Variants in FGF12 observed in about 807,000 individuals in gnomAD.
FGF12 encodes the protein fibroblast growth factor 12.
A neutral mutation model predicts 23.6 loss-of-function variants in FGF12; 14 were observed. The observed-to-expected ratio is 0.59, with a 90% CI of 0.39 to 0.93. FGF12 has a LOEUF of 0.93. Ranked by LOEUF, FGF12 falls within the 40% of genes least tolerant of loss-of-function variation. The pLI, the probability that FGF12 is intolerant of heterozygous loss-of-function variation, is 0.00. For missense variants in FGF12, 175 were observed against 217.8 expected, an observed-to-expected ratio of 0.80 and a Z score of 1.24; for synonymous variants, 62 against 77.3, an observed-to-expected ratio of 0.80 and a Z score of 1.04.
intron 2 of FGF12, among the ~76,000 whole-genome samples, chr3:192,594,681 A>T (rs887692768): frequency 6.6e-6 from 1 of 151,858 alleles, no homozygotes; most frequent in Middle Eastern, 3.2e-3. Context: ...TTTTATAAGA[A>T]GAGCAAGAGA....
intron 2 of FGF12, among the ~76,000 whole-genome samples, chr3:192,664,419 A>G (rs1437087942): frequency 6.6e-6 from 1 of 151,946 alleles, no homozygotes; most frequent in Non-Finnish European, 1.5e-5. Flanking sequence ...AACTACCACC[A>G]GCATTACTTC....
chr3:192,726,864 G>C, intron 2 of FGF12: 1 of 422,922 alleles, frequency 2.4e-6, no homozygotes, highest in Non-Finnish European at 4.3e-6. Flanking sequence ...CCATTATACA[G>C]AAAAGATATT....
chr3:192,650,361 C>T (rs1716172099), intron 2 of FGF12, among the ~76,000 whole-genome samples: 1 of 152,196 alleles, frequency 6.6e-6, no homozygotes, highest in Non-Finnish European at 1.5e-5. Context: ...TGTTTCACAT[C>T]TCCATGCCTT....
At chr3:192,319,244 G>A (rs150001563) in intron 4 of FGF12, among the ~76,000 whole-genome samples, 5 of 152,272 alleles carry the variant, frequency 3.3e-5, no homozygotes, top group Admixed American at 3.3e-4. Context: ...TACTGTAATT[G>A]TGGTGTATAA....
chr3:192,548,432 A>C (rs1436590198), intron 2 of FGF12, among the ~76,000 whole-genome samples: 3 of 152,172 alleles, frequency 2.0e-5, no homozygotes, highest in African/African-American at 7.2e-5. Context: ...TAGGGAAATG[A>C]ATCACTCAGA....
At chr3:192,403,547 G>GTTTT (rs11424277) in intron 2 of FGF12, among the ~76,000 whole-genome samples, 2 of 146,214 alleles carry the variant, frequency 1.4e-5, no homozygotes. Context: ...GGGTCTTACT[G>GTTTT]TTTTTTTTTT....
intron 2 of FGF12, among the ~76,000 whole-genome samples, chr3:192,525,400 C>A (rs1170101342): frequency 6.6e-6 from 1 of 152,142 alleles, no homozygotes; most frequent in Admixed American, 6.5e-5. Flanking sequence ...AAATTCAAAG[C>A]CTTGTGAGCC....
chr3:192,253,544 T>C (rs549645972), intron 4 of FGF12, among the ~76,000 whole-genome samples: 1 of 152,234 alleles, frequency 6.6e-6, no homozygotes, highest in South Asian at 2.1e-4. Flanking sequence ...ATTAGGATGT[T>C]CTCTTGCTTT....
chr3:192,267,022 T>A (rs1187988664), intron 4 of FGF12: 2 of 152,186 alleles, frequency 1.3e-5, no homozygotes, highest in Non-Finnish European at 1.5e-5. Flanking sequence ...CCTTGAGGAA[T>A]CAGATGTTTC....
intron 1 of FGF12, 23 bp downstream of exon 1, chr3:192,727,461 G>GTTT: frequency 2.9e-6 from 2 of 687,664 alleles, no homozygotes; most frequent in Non-Finnish European, 4.4e-6. Flanking sequence ...TGCCCGCTCA[G>GTTT]ATTTTTTTTT....
intron 4 of FGF12, among the ~76,000 whole-genome samples, chr3:192,194,994 T>G (rs1184304022): frequency 6.6e-6 from 1 of 152,134 alleles, no homozygotes; most frequent in Non-Finnish European, 1.5e-5. Flanking sequence ...CTCAAGTGGT[T>G]TACAGTTTAA....
intron 2 of FGF12, among the ~76,000 whole-genome samples, chr3:192,451,945 A>C (rs958241613): frequency 1.3e-5 from 2 of 152,200 alleles, no homozygotes; most frequent in African/African-American, 4.8e-5. Flanking sequence ...AAAGTAGAAT[A>C]GATAATTATG....
intron 4 of FGF12, among the ~76,000 whole-genome samples, chr3:192,257,328 C>T (rs761946411): frequency 3.3e-5 from 5 of 152,092 alleles, no homozygotes; most frequent in South Asian, 2.1e-4. Flanking sequence ...ACCCAATTTC[C>T]TATTCAATAA....
intron 2 of FGF12, among the ~76,000 whole-genome samples, chr3:192,503,792 G>A (rs1340406016): frequency 6.6e-6 from 1 of 151,938 alleles, no homozygotes; most frequent in African/African-American, 2.4e-5. Context: ...ATTTTTAGTA[G>A]AGACGGGGTT....
intron 4 of FGF12, among the ~76,000 whole-genome samples, chr3:192,245,449 T>C (rs1469092217): frequency 6.6e-6 from 1 of 152,098 alleles, no homozygotes. Context: ...CAAACATTTA[T>C]TGGGCATCAA....
chr3:192,421,162 T>A (rs1721515785), intron 2 of FGF12, among the ~76,000 whole-genome samples: 1 of 152,106 alleles, frequency 6.6e-6, no homozygotes, highest in Non-Finnish European at 1.5e-5. Flanking sequence ...AATTAGAAAG[T>A]AAGCATGTGT....
chr3:192,670,364 A>G (rs1717066512), intron 2 of FGF12, among the ~76,000 whole-genome samples: 1 of 152,156 alleles, frequency 6.6e-6, no homozygotes, highest in African/African-American at 2.4e-5. Flanking sequence ...AATTTTTAAT[A>G]AGGTAGGTAT....
In FGF12 at chr3:192,248,960, T is replaced by A. The variant is rs142162338; in HGVS notation, c.229-78304A>T. On this transcript the variant is annotated intron_variant, in intron 4 of 5. Transcript: ENST00000445105. Reference sequence around the variant, plus strand: ...GATTATTGATTGGGTTAGTGAAGAGTTTTGAATAGTTTTAACAACTGTTTT... The same window carrying A: ...GATTATTGATTGGGTTAGTGAAGAGATTTGAATAGTTTTAACAACTGTTTT... 5.2e-3 allele frequency among the ~76,000 whole-genome samples: 787 copies of A among 152,208 alleles called. 3 individuals carry two copies. Among genetic ancestry groups the A allele is most frequent in the African/African-American group, 0.018 (765 of 41,536 alleles).
At chr3:192,529,276 C>A (rs1258221166) in intron 2 of FGF12, among the ~76,000 whole-genome samples, 1 of 152,188 alleles carries the variant, frequency 6.6e-6, no homozygotes, top group African/African-American at 2.4e-5. Flanking sequence ...ATCTCTAGGG[C>A]AGAGGCAAAA....
Sources: allele counts gnomAD v4.1 joint callset (sites outside exome capture counted in the v4.1 genomes callset), GRCh38; gene constraint gnomAD v4.1.1; transcripts MANE v1.5; gene names NCBI Gene and HGNC (gene_info 2026-07-23, HGNC 2026-07-21).